Variants in BRAF observed in about 807,000 individuals in gnomAD.
BRAF encodes the protein serine/threonine-protein kinase B-raf.
In BRAF, 16 loss-of-function variants were observed where a neutral mutation model predicts 104.6. That is an observed-to-expected ratio of 0.15 (90% confidence interval 0.10 to 0.23). BRAF has a LOEUF of 0.23. BRAF is among the 10% of genes least tolerant of loss of function. BRAF has a pLI of 1.00. For synonymous variants in BRAF, 310 were observed against 341.6 expected (o/e 0.91, Z 1.02); for missense variants, 541 against 937.3 (o/e 0.58, Z 5.52).
chr7:140,741,987 T>G (rs533712537), intron 17 of BRAF, among the ~76,000 whole-genome samples: 1 of 151,998 alleles, frequency 6.6e-6, no homozygotes, highest in South Asian at 2.1e-4. Flanking sequence ...AAAATATCTA[T>G]AACACCACTA....
chr7:140,724,747 T>C lies in BRAF; in HGVS notation c.*1747A>G. 9.7e-7 allele frequency: 1 copy of C among 1,034,080 alleles called. No homozygotes were observed. Among genetic ancestry groups the C allele is most frequent in the Non-Finnish European group, 1.2e-6 (1 of 859,424 alleles). 64.1% of individuals were successfully genotyped at this position (1,034,080 alleles called of 1,614,324 possible). A position where few individuals can be genotyped will look rare whatever the true frequency, so the allele number is the denominator to read the frequency against. ...CTAATTCCTTGATTTATTCTGGGTCTTGTTTAATTTCTTTCAAGTCCTTGG... is the reference window on the plus strand; with the variant it reads ...CTAATTCCTTGATTTATTCTGGGTCCTGTTTAATTTCTTTCAAGTCCTTGG... On this transcript the variant is annotated 3_prime_UTR_variant, in exon 20 of 20. Transcript: ENST00000644969.
Position 140,857,467 on chromosome 7 carries a change from TTTG to T in BRAF, c.139-7258_139-7256del, listed in dbSNP as rs535205687. Among the ~76,000 whole-genome samples the T allele has an allele frequency of 1.1e-4, 16 of 152,318 alleles. No individual in the cohort carries two copies. In the South Asian group the frequency reaches 1.5e-3, roughly 14 times the overall value. ...ATTTGTGGTGTTGTAAGTGACCAAG[TTTG>T]TTGTTATTTATTATTGCAGCCATAG... On this transcript the variant is annotated intron_variant, in intron 1 of 19. Transcript: ENST00000644969.
Position 140,757,585 on chromosome 7 carries a change from G to A in BRAF, c.1815-3352C>T, listed in dbSNP as rs534984769. Among the ~76,000 whole-genome samples the A allele has an allele frequency of 2.0e-5, 3 of 152,314 alleles. No individual in the cohort carries two copies. In the South Asian group the frequency reaches 6.2e-4, roughly 32 times the overall value. On this transcript the variant is annotated intron_variant, in intron 14 of 19. Transcript: ENST00000644969. Reference sequence around the variant, plus strand: ...TTACAGGCGTGAGCCACCACGCCCAGCCTTAGGATTTTAAATTTTGTAGAC... The same window carrying A: ...TTACAGGCGTGAGCCACCACGCCCAACCTTAGGATTTTAAATTTTGTAGAC...
At chr7:140,835,261 G>A (rs533295241) in intron 2 of BRAF, 12 of 191,878 alleles carry the variant, frequency 6.3e-5, no homozygotes, top group East Asian at 3.9e-4. Flanking sequence ...ATTTTGTCCC[G>A]GAAAAGTTGT....
intron 3 of BRAF, chr7:140,822,400 C>T (rs1805585628): frequency 6.6e-6 from 1 of 152,226 alleles, no homozygotes; most frequent in Non-Finnish European, 1.5e-5. Flanking sequence ...ATACCCATCA[C>T]TTTCTGAAAG....
intron 19 of BRAF, among the ~76,000 whole-genome samples, chr7:140,728,818 T>C (rs761768411): frequency 6.6e-6 from 1 of 152,066 alleles, no homozygotes; most frequent in South Asian, 2.1e-4. Context: ...ATAAGATTTA[T>C]AGAAAAGAAA....
intron 1 of BRAF, among the ~76,000 whole-genome samples, chr7:140,911,533 T>C (rs1816978045): frequency 2.0e-5 from 3 of 152,042 alleles, no homozygotes; most frequent in South Asian, 2.1e-4. Context: ...AACTAGGACT[T>C]GGAAAGAGGT....
chr7:140,755,041 TCTTA>T (rs1200024961), intron 14 of BRAF, among the ~76,000 whole-genome samples: 2 of 152,124 alleles, frequency 1.3e-5, no homozygotes, highest in African/African-American at 4.8e-5. Context: ...GGAGACAAAG[TCTTA>T]CTCTATCACC....
chr7:140,915,432 CTT>C (rs1014572413), intron 1 of BRAF, among the ~76,000 whole-genome samples: 28 of 141,570 alleles, frequency 2.0e-4, no homozygotes, highest in Admixed American at 3.5e-4. Context: ...ATTAAAGTAT[CTT>C]TTTTTTTTTT....
chr7:140,786,991 G>A (rs996434216), intron 9 of BRAF, among the ~76,000 whole-genome samples: 1 of 152,152 alleles, frequency 6.6e-6, no homozygotes, highest in Non-Finnish European at 1.5e-5. Flanking sequence ...TTTTAAAACT[G>A]TAGATAATAC....
At chr7:140,825,743 T>C (rs1003483256) in intron 3 of BRAF, among the ~76,000 whole-genome samples, 2 of 152,224 alleles carry the variant, frequency 1.3e-5, no homozygotes, top group Non-Finnish European at 1.5e-5. Flanking sequence ...TCTGAGTATA[T>C]TATTCTATTG....
At chr7:140,908,222 C>G (rs1816557092) in intron 1 of BRAF, among the ~76,000 whole-genome samples, 1 of 152,114 alleles carries the variant, frequency 6.6e-6, no homozygotes, top group Non-Finnish European at 1.5e-5. Context: ...TATTTTTCCT[C>G]TGTAAAAACG....
chr7:140,798,280 T>TTTTTTTTTTTTTTTTTTTG lies in BRAF; in HGVS notation c.980+2081_980+2082insCAAAAAAAAAAAAAAAAAA, dbSNP rs1586200322. Among the ~76,000 whole-genome samples the TTTTTTTTTTTTTTTTTTTG allele has an allele frequency of 1.4e-5, 2 of 146,178 alleles. 1 individual carries two copies. The highest frequency in any genetic ancestry group is 3.0e-5 in the Non-Finnish European group (2 of 66,590). On this transcript the variant is annotated intron_variant, in intron 7 of 19. Transcript: ENST00000644969. ...ATGGGGACTTTTTTTTTCTTTTTTT[T>TTTTTTTTTTTTTTTTTTTG]GAGACGGAGTCTTGCTCTGTCACCC...
At chr7:140,900,736 G>A (rs185351166) in intron 1 of BRAF, among the ~76,000 whole-genome samples, 5 of 152,040 alleles carry the variant, frequency 3.3e-5, no homozygotes, top group South Asian at 2.1e-4. Context: ...TCAACCTCCC[G>A]AGTACCTGGG....
At chr7:140,834,552 T>G in intron 3 of BRAF, 57 bp downstream of exon 3, 3 of 1,595,276 alleles carry the variant, frequency 1.9e-6, no homozygotes, top group Non-Finnish European at 2.6e-6. Flanking sequence ...TTTCAACAAC[T>G]GATCTGTCTG....
chr7:140,807,907 C>T, intron 5 of BRAF, 53 bp downstream of exon 5: 1 of 1,410,360 alleles, frequency 7.1e-7, no homozygotes. Context: ...AAAATTCATT[C>T]ATTAAAATCT....
chr7:140,917,196 G>T (rs1040548500), intron 1 of BRAF, among the ~76,000 whole-genome samples: 1 of 152,136 alleles, frequency 6.6e-6, no homozygotes, highest in South Asian at 2.1e-4. Context: ...AGGTAGCTGG[G>T]ATTGCAGGTG....
intron 9 of BRAF, among the ~76,000 whole-genome samples, chr7:140,787,341 C>T (rs1284387192): frequency 1.3e-5 from 2 of 148,404 alleles, no homozygotes; most frequent in East Asian, 3.9e-4. Context: ...CTTTTATGTC[C>T]AGTCATCTTT....
At position 140,888,475 on chromosome 7, in the gene BRAF, G is replaced by GA. The variant is rs201306843; in HGVS notation, c.138+36090dup. Among the ~76,000 whole-genome samples, 486 of 152,134 alleles carry GA rather than the reference G, an allele frequency of 3.2e-3. 2 individuals are homozygous for GA. Among genetic ancestry groups the GA allele is most frequent in the African/African-American group, 0.011 (455 of 41,510 alleles). On this transcript the variant is annotated intron_variant, in intron 1 of 19. Coordinates refer to ENST00000644969, the MANE Select transcript of BRAF (RefSeq NM_001374258.1). Reference sequence around the variant, plus strand: ...AGAAAACATTATTGCTGCTAGAGGGGAAAAAATCAAAGTTAACACTTTCCC... The same window carrying GA: ...AGAAAACATTATTGCTGCTAGAGGGGAAAAAAATCAAAGTTAACACTTTCCC...
Sources: allele counts gnomAD v4.1 joint callset (sites outside exome capture counted in the v4.1 genomes callset), GRCh38; gene constraint gnomAD v4.1.1; transcripts MANE v1.5; gene names NCBI Gene and HGNC (gene_info 2026-07-23, HGNC 2026-07-21).